Variants in LEFTY1 observed in about 807,000 individuals in gnomAD.
The protein encoded by LEFTY1 is left-right determination factor 1, also known as left-right determination factor B.
A neutral mutation model predicts 22.6 loss-of-function variants in LEFTY1; 18 were observed. The ratio of observed to expected loss-of-function variants is 0.80; its 90% confidence interval spans 0.55 to 1.18. LEFTY1 has a LOEUF of 1.18. Ranked by LOEUF, LEFTY1 falls within the 50% of genes most tolerant of loss-of-function variation. The probability of loss-of-function intolerance (pLI) is 0.00; values close to 1 mark genes in which losing one functional copy is unlikely to be tolerated. For synonymous variants in LEFTY1, 201 were observed against 231.5 expected (o/e 0.87, Z 1.20); for missense variants, 414 against 495.4 (o/e 0.84, Z 1.56).
At position 225,886,889 on chromosome 1, in the gene LEFTY1, A is replaced by G; in HGVS notation, c.939T>C (p.Pro313=). The G allele has an allele frequency of 6.2e-7, 1 of 1,613,980 alleles. No homozygotes were observed. Among genetic ancestry groups the G allele is most frequent in the Non-Finnish European group, 8.5e-7 (1 of 1,180,032 alleles). The part of the protein sequence containing the change: ...ALAFKWPFLG[P]RQCIASETDS... Reference sequence around the variant, plus strand: ...CAGTCTCCGAGGCGATGCACTGTCGAGGCCCCAGAAACGGCCACTTGAAGG... The same window carrying G: ...CAGTCTCCGAGGCGATGCACTGTCGGGGCCCCAGAAACGGCCACTTGAAGG... Residue 313 remains proline, a synonymous_variant, in exon 4 of 4, where the codon CCT becomes CCC. Transcript: ENST00000272134.
chr1:225,888,126 C>T (rs1576132537), intron 1 of LEFTY1, 94 bp from the exon 2 acceptor site: 4 of 1,520,322 alleles, frequency 2.6e-6, no homozygotes, highest in East Asian at 4.8e-5. Context: ...GGCCAGGAGA[C>T]ACCGGCCCTG....
chr1:225,887,079 T>C lies in LEFTY1; in HGVS notation c.749A>G (p.Asp250Gly). 6.2e-7 allele frequency: 1 copy of C among 1,601,814 alleles called. No individual in the cohort carries two copies. Among genetic ancestry groups the C allele is most frequent in the Non-Finnish European group, 8.5e-7 (1 of 1,174,116 alleles). The change falls in exon 4 of 4, where the codon GAC becomes GGC. Residue 250 changes from aspartate to glycine, a missense_variant. Around this residue, in one of 2 missense-constraint regions of LEFTY1, gnomAD observed 398 missense variants for 454.7 expected, o/e 0.88. Coordinates refer to ENST00000272134, the MANE Select transcript of LEFTY1 (RefSeq NM_020997.4). ...LDLGDYGAQG[D>G]CDPEAPMTEG... is the part of the protein sequence containing the mutation. Reference sequence around the variant, plus strand: ...GGTCATTGGTGCTTCAGGGTCACAGTCGCCCTGAGCTCTGTGTGGGCAAAG... The same window carrying C: ...GGTCATTGGTGCTTCAGGGTCACAGCCGCCCTGAGCTCTGTGTGGGCAAAG...
chr1:225,888,814 C>T lies in LEFTY1; in HGVS notation c.250+3G>A. 1 of 1,612,980 alleles carries T rather than the reference C, an allele frequency of 6.2e-7. No individual in the cohort carries two copies. The highest frequency in any genetic ancestry group is 8.5e-7 in the Non-Finnish European group (1 of 1,179,744). On this transcript the variant is annotated splice_donor_region_variant and intron_variant, in intron 1 of 3. Transcript: ENST00000272134. ...CAGGGGCAGCAGGGAGGGAGGGCCT[C>T]ACCTCGGAAGCTCTGGCTGAACCTC...
intron 1 of LEFTY1, among the ~76,000 whole-genome samples, chr1:225,888,614 C>T (rs66928485): frequency 0.21 from 31,262 of 152,104 alleles, 3,715 homozygotes; most frequent in Non-Finnish European, 0.27. Flanking sequence ...AAACAGACCC[C>T]CGGAGTCCTG....
Position 225,887,981 on chromosome 1 carries a change from A to C in LEFTY1, c.302T>G (p.Phe101Cys). 1 of 1,589,748 alleles carries C rather than the reference A, an allele frequency of 6.3e-7. No homozygotes were observed. The highest frequency in any genetic ancestry group is 8.5e-7 in the Non-Finnish European group (1 of 1,178,010). The change falls in exon 2 of 4, where the codon TTC (phenylalanine) becomes TGC (cysteine). Residue 101 changes from phenylalanine (F) to cysteine (C), a missense_variant. Physicochemically the swap from Phe to Cys is radical, Grantham distance 205 (BLOSUM62 -2). Coordinates refer to ENST00000272134, the MANE Select transcript of LEFTY1 (RefSeq NM_020997.4). ...ALEASTHLLV[F>C]GMEQRLPPNS... ...GGGCGGCAGCCGCTGCTCCATGCCG[A>C]ACACCAGCAGGTGTGTGCTGGCCTC...
chr1:225,888,752 C>T, intron 1 of LEFTY1, 65 bp downstream of exon 1: 3 of 1,603,416 alleles, frequency 1.9e-6, no homozygotes, highest in African/African-American at 1.3e-5. Flanking sequence ...CCCTTTGACA[C>T]CACCGGAGTG....
At chr1:225,888,366 A>G (rs1387202908) in intron 1 of LEFTY1, among the ~76,000 whole-genome samples, 2 of 152,154 alleles carry the variant, frequency 1.3e-5, no homozygotes, top group Admixed American at 1.3e-4. Context: ...GGCCGGCTGC[A>G]GGAGGATTCA....
chr1:225,889,025 G>C lies in LEFTY1; in HGVS notation c.42C>G (p.Pro14=). 6.6e-7 allele frequency: 1 copy of C among 1,507,932 alleles called. No individual in the cohort carries two copies. The highest frequency in any genetic ancestry group is 1.4e-5 in the African/African-American group (1 of 72,614). The allele number at this position is 1,507,932 out of a possible 1,614,324, so 93.4% of individuals were successfully genotyped here. A position where few individuals can be genotyped will look rare whatever the true frequency, so the allele number is the denominator to read the frequency against. The change falls in exon 1 of 4, where the codon CCC becomes CCG. Residue 14 remains proline, a synonymous_variant. Transcript: ENST00000272134. The stretch of plus-strand genomic sequence containing the variant: ...TCAGGGCGGCCCCGGGGCTGGCCAG[G>C]GGCAACACCCAGAGTGCCCAGCAGA... ...LWLCWALWVL[P]LASPGAALTG...
chr1:225,889,013 G>C lies in LEFTY1; in HGVS notation c.54C>G (p.Pro18=). Residue 18 remains proline, a synonymous_variant, in exon 1 of 4, where the codon CCC becomes CCG. Transcript: ENST00000272134. ...GCTGCTCCCCGGTCAGGGCGGCCCCGGGGCTGGCCAGGGGCAACACCCAGA... is the reference window on the plus strand; with the variant it reads ...GCTGCTCCCCGGTCAGGGCGGCCCCCGGGCTGGCCAGGGGCAACACCCAGA... ...WALWVLPLAS[P]GAALTGEQLL... 1 of 1,526,808 alleles carries C rather than the reference G, an allele frequency of 6.5e-7. No individual in the cohort carries two copies. The highest frequency in any genetic ancestry group is 2.0e-5 in the Admixed American group (1 of 49,426). The allele number at this position is 1,526,808 out of a possible 1,614,324, so 94.6% of individuals were successfully genotyped here. A position where few individuals can be genotyped will look rare whatever the true frequency, so the allele number is the denominator to read the frequency against.
In LEFTY1 at chr1:225,887,458, C is replaced by T. The variant is rs145906534; in HGVS notation, c.678G>A (p.Ala226=). 5 of 1,612,886 alleles carry T rather than the reference C, an allele frequency of 3.1e-6. No individual in the cohort carries two copies. The highest frequency in any genetic ancestry group is 3.4e-6 in the Non-Finnish European group (4 of 1,179,770). Residue 226 remains alanine (A), a synonymous_variant, in exon 3 of 4, where the codon GCG becomes GCA. Coordinates refer to ENST00000272134, the MANE Select transcript of LEFTY1 (RefSeq NM_020997.4). ...HKLVRFASQG[A]PAGLGEPQLE... ...GCTGGGGCTCCCCAAGCCCGGCTGGCGCCCCCTGCGAGGCAAAGCGGACCA... is the reference window on the plus strand; with the variant it reads ...GCTGGGGCTCCCCAAGCCCGGCTGGTGCCCCCTGCGAGGCAAAGCGGACCA...
At chr1:225,887,122 CA>C (rs1671295644) in intron 3 of LEFTY1, 32 bp from the exon 4 acceptor site, 1 of 1,580,062 alleles carries the variant, frequency 6.3e-7, no homozygotes. Context: ...GGTCAGCGGT[CA>C]GCTGGGAGGG....
rs1671280335 is a variant in LEFTY1 at position 225,886,372 on chromosome 1, C to T, written c.*355G>A. 3.7e-6 allele frequency: 1 copy of T among 271,412 alleles called. No individual in the cohort carries two copies. 16.8% of individuals were successfully genotyped at this position (271,412 alleles called of 1,614,324 possible). A position where few individuals can be genotyped will look rare whatever the true frequency, so the allele number is the denominator to read the frequency against. On this transcript the variant is annotated 3_prime_UTR_variant, in exon 4 of 4. Transcript: ENST00000272134. ...CCACACTTAACCCCAGGTCTTAGGT[C>T]CAGAGTGGTGGTGGAGGACTTTAGC...
rs889982153 is a variant in LEFTY1, at chr1:225,886,528, C to T, written c.*199G>A. 16 of 988,456 alleles carry T rather than the reference C, an allele frequency of 1.6e-5. No homozygotes were observed. The highest frequency in any genetic ancestry group is 2.2e-5 in the Non-Finnish European group (15 of 692,336). The allele number at this position is 988,456 out of a possible 1,614,324, so 61.2% of individuals were successfully genotyped here. A position where few individuals can be genotyped will look rare whatever the true frequency, so the allele number is the denominator to read the frequency against. On this transcript the variant is annotated 3_prime_UTR_variant, in exon 4 of 4. Coordinates refer to ENST00000272134, the MANE Select transcript of LEFTY1 (RefSeq NM_020997.4). Reference sequence around the variant, plus strand: ...AAGAATAGAGAAAACTGAGCAAGGGCTCTCCAGTGGCCAAAGATTCTCATT... The same window carrying T: ...AAGAATAGAGAAAACTGAGCAAGGGTTCTCCAGTGGCCAAAGATTCTCATT...
In LEFTY1 at chr1:225,886,857, A is replaced by G; in HGVS notation, c.971T>C (p.Leu324Pro). The change falls in exon 4 of 4, where the codon CTG (leucine) becomes CCG (proline). Residue 324 changes from leucine (L) to proline (P), a missense_variant. Physicochemically the swap from Leu to Pro is moderately conservative, Grantham distance 98 (BLOSUM62 -3). This residue lies in a region of LEFTY1 where 398 missense variants were observed against 454.7 expected (regional missense o/e 0.88). Coordinates refer to ENST00000272134, the MANE Select transcript of LEFTY1 (RefSeq NM_020997.4). ...CTCCTTGATGCTGACGATCATGGGC[A>G]GCGAGTCAGTCTCCGAGGCGATGCA... ...RQCIASETDSLPMIVSIKEGG... is the reference protein window; with the variant it reads ...RQCIASETDSPPMIVSIKEGG... The G allele has an allele frequency of 6.2e-7, 1 of 1,613,960 alleles. No homozygotes were observed. Among genetic ancestry groups the G allele is most frequent in the East Asian group, 2.2e-5 (1 of 44,874 alleles).
Position 225,887,880 on chromosome 1 carries a change from G to A in LEFTY1, c.403C>T (p.Arg135Trp), listed in dbSNP as rs1441983133. ...GCCCGGGCGCTGCGCGGGGACAGCC[G>A]CCCGTGCCTGTGCAGCGCGGCCTTG... The part of the protein sequence containing the change: ...VPKAALHRHG[R>W]LSPRSARARV... Residue 135 changes from arginine (R) to tryptophan (W), a missense_variant, in exon 2 of 4, where the codon CGG becomes TGG. Arg to Trp is a moderately radical substitution (Grantham distance 101, BLOSUM62 -3). Coordinates refer to ENST00000272134, the MANE Select transcript of LEFTY1 (RefSeq NM_020997.4). 13 of 1,533,022 alleles carry A rather than the reference G, an allele frequency of 8.5e-6. No homozygotes were observed. The highest frequency in any genetic ancestry group is 1.0e-5 in the Non-Finnish European group (12 of 1,146,456). The allele number at this position is 1,533,022 out of a possible 1,614,324, so 95.0% of individuals were successfully genotyped here. A position where few individuals can be genotyped will look rare whatever the true frequency, so the allele number is the denominator to read the frequency against.
chr1:225,887,634 C>A lies in LEFTY1; in HGVS notation c.502G>T (p.Val168Leu). 6.2e-7 allele frequency: 1 copy of A among 1,612,276 alleles called. No homozygotes were observed. The change falls in exon 3 of 4, where the codon GTG (valine) becomes TTG (leucine). Residue 168 changes from valine to leucine, a missense_variant. This residue lies in a region of LEFTY1 where 398 missense variants were observed against 454.7 expected (regional missense o/e 0.88). Transcript: ENST00000272134. ...NRTSLIDSRL[V>L]SVHESGWKAF... ...TTCCAGCCGCTCTCGTGGACGGACACCAGCCTGAGACATGACACAGAGACC... is the reference window on the plus strand; with the variant it reads ...TTCCAGCCGCTCTCGTGGACGGACAACAGCCTGAGACATGACACAGAGACC...
chr1:225,887,286 T>C, intron 3 of LEFTY1, 113 bp downstream of exon 3: 1 of 1,550,506 alleles, frequency 6.4e-7, no homozygotes, highest in Non-Finnish European at 8.7e-7. Flanking sequence ...GAGGAAGAAT[T>C]GTATACATTG....
In LEFTY1 at chr1:225,887,794, G is replaced by A; in HGVS notation, c.489C>T (p.Ile163=). The stretch of plus-strand genomic sequence containing the variant: ...GCCCCCGCGACCCCCACCTGGAGTC[G>A]ATGAGGGAGGTGCGGTTGGAGCCGT... ...RDDGSNRTSL[I]DSRLVSVHES... Residue 163 remains isoleucine, a synonymous_variant, in exon 2 of 4, where the codon ATC becomes ATT. Coordinates refer to ENST00000272134, the MANE Select transcript of LEFTY1 (RefSeq NM_020997.4). The A allele has an allele frequency of 1.3e-6, 2 of 1,546,468 alleles. No individual in the cohort carries two copies. Among genetic ancestry groups the A allele is most frequent in the Non-Finnish European group, 1.7e-6 (2 of 1,150,982 alleles).
At position 225,886,573 on chromosome 1, in the gene LEFTY1, G is replaced by T; in HGVS notation, c.*154C>A. 2 of 1,431,376 alleles carry T rather than the reference G, an allele frequency of 1.4e-6. No individual in the cohort carries two copies. The highest frequency in any genetic ancestry group is 2.8e-5 in the South Asian group (2 of 70,366). 88.7% of individuals were successfully genotyped at this position (1,431,376 alleles called of 1,614,324 possible). ...CTCATTCCTGAGAAGCAAAAATTAG[G>T]TGAGGTAACTTGTCAGAGGAAGCAA... On this transcript the variant is annotated 3_prime_UTR_variant, in exon 4 of 4. Transcript: ENST00000272134.
Sources: gnomAD v4.1 joint callset for allele counts (sites outside exome capture counted in the v4.1 genomes callset) on GRCh38, gnomAD v4.1.1 for gene constraint, gnomAD v4.1.1 regional missense constraint, MANE v1.5 for transcripts, NCBI Gene and HGNC (gene_info 2026-07-23, HGNC 2026-07-21) for gene names.